Variants in CLCN3 observed in about 807,000 individuals in gnomAD.
CLCN3 encodes Cl-/H+ antiporter 3, also known as H(+)/Cl(-) exchange transporter 3.
CLCN3 carries 16 observed loss-of-function variants against 83.4 expected under a neutral mutation model. The ratio of observed to expected loss-of-function variants is 0.19; its 90% CI spans 0.13 to 0.29. The LOEUF is 0.29. Among genes scored for constraint, CLCN3 ranks in the 10% least tolerant of loss-of-function variants. The pLI is 1.00. For synonymous variants in CLCN3, 322 were observed against 346.2 expected (o/e 0.93, Z 0.78); for missense variants, 544 against 1,006.0 (o/e 0.54, Z 6.21).
rs139224127 is a variant in CLCN3, at chr4:169,651,833, T to A, written c.160+15745T>A. Among the ~76,000 whole-genome samples the A allele has an allele frequency of 7.9e-5, 12 of 152,272 alleles. No individual in the cohort carries two copies. The East Asian group carries it at 2.3e-3, about 29-fold the overall frequency. The stretch of plus-strand genomic sequence containing the variant: ...TCTATGGACCTATTTTACACAGTTC[T>A]GAAATACAGAGGAAATTCCTTGGAA... On this transcript the variant is annotated intron_variant, in intron 2 of 12. Transcript: ENST00000513761.
chr4:169,694,732 G>A (rs529959651), intron 7 of CLCN3, among the ~76,000 whole-genome samples: 7 of 152,204 alleles, frequency 4.6e-5, no homozygotes, highest in Non-Finnish European at 1.0e-4. Context: ...CCAGCTACTC[G>A]GGAGGCTGAG....
intron 2 of CLCN3, among the ~76,000 whole-genome samples, chr4:169,651,338 G>A (rs1730726742): frequency 6.6e-6 from 1 of 152,120 alleles, no homozygotes; most frequent in Admixed American, 6.6e-5. Flanking sequence ...AAATTTTCAA[G>A]CTTCATGTTT....
At chr4:169,653,640 CAAAAAAAAAAA>C (rs70964215) in intron 2 of CLCN3, among the ~76,000 whole-genome samples, 1 of 73,622 alleles carries the variant, frequency 1.4e-5, no homozygotes, top group African/African-American at 6.1e-5. Flanking sequence ...GACTCCGTCT[CAAAAAAAAAAA>C]AAAAAAAAAA....
At chr4:169,634,700 G>A (rs971534225) in intron 1 of CLCN3, among the ~76,000 whole-genome samples, 1 of 152,064 alleles carries the variant, frequency 6.6e-6, no homozygotes, top group Admixed American at 6.5e-5. Context: ...CTTGGAGAGA[G>A]GATTTTTTTT....
intron 1 of CLCN3, among the ~76,000 whole-genome samples, chr4:169,633,811 C>G (rs1461502176): frequency 6.6e-6 from 1 of 152,080 alleles, no homozygotes; most frequent in Non-Finnish European, 1.5e-5. Flanking sequence ...AATATTAAGT[C>G]TTAGAAATCT....
rs1733677230 is a variant in CLCN3, at chr4:169,722,643, T to TA, written c.*2646_*2647insA. 6.6e-6 allele frequency: 1 copy of TA among 152,222 alleles called. No individual in the cohort carries two copies. Among genetic ancestry groups the TA allele is most frequent in the Admixed American group, 6.5e-5 (1 of 15,282 alleles). 9.4% of individuals were successfully genotyped at this position (152,222 alleles called of 1,614,324 possible). A position where few individuals can be genotyped will look rare whatever the true frequency, so the allele number is the denominator to read the frequency against. ...TCCCTTTTTTATTTCTGCTCCTCCT[T>TA]TAATTGCCCATCTTGCTTCAGAGAC... is the stretch of plus-strand genomic sequence containing the variant. On this transcript the variant is annotated 3_prime_UTR_variant, in exon 13 of 13. Coordinates refer to ENST00000513761, the MANE Select transcript of CLCN3 (RefSeq NM_001829.4).
intron 2 of CLCN3, among the ~76,000 whole-genome samples, chr4:169,673,931 C>G (rs1275663944): frequency 6.6e-6 from 1 of 152,100 alleles, no homozygotes; most frequent in Non-Finnish European, 1.5e-5. Context: ...GCTTTTACTC[C>G]TAAATACTTC....
At position 169,720,655 on chromosome 4, in the gene CLCN3, A is replaced by C. The variant is rs1372940996; in HGVS notation, c.*658A>C. On this transcript the variant is annotated 3_prime_UTR_variant, in exon 13 of 13. Coordinates refer to ENST00000513761, the MANE Select transcript of CLCN3 (RefSeq NM_001829.4). The stretch of plus-strand genomic sequence containing the variant: ...ACTGTGATTTTACTGAGGTTTCATC[A>C]CAAGAAGGGAGTGTTTCTTGTGCCA... The C allele has an allele frequency of 6.6e-6, 1 of 152,448 alleles. No individual in the cohort carries two copies. The highest frequency in any genetic ancestry group is 1.5e-5 in the Non-Finnish European group (1 of 68,066). The allele number at this position is 152,448 out of a possible 1,614,324, so 9.4% of individuals were successfully genotyped here.
intron 2 of CLCN3, among the ~76,000 whole-genome samples, chr4:169,647,125 C>T (rs1206539878): frequency 2.6e-5 from 4 of 152,128 alleles, no homozygotes; most frequent in Non-Finnish European, 5.9e-5. Flanking sequence ...GTGGCTCATG[C>T]CTGTAATGCC....
intron 2 of CLCN3, among the ~76,000 whole-genome samples, chr4:169,662,433 C>G (rs1219190326): frequency 1.3e-5 from 2 of 152,034 alleles, no homozygotes; most frequent in African/African-American, 4.8e-5. Context: ...TATTTTTTGT[C>G]CATAATTTAT....
rs182426229 is a variant in CLCN3, at chr4:169,620,590, C to T, written c.-490C>T. 1.5e-5 allele frequency: 6 copies of T among 396,918 alleles called. No individual in the cohort carries two copies. Among genetic ancestry groups the T allele is most frequent in the Admixed American group, 4.4e-5 (1 of 22,700 alleles). The allele number at this position is 396,918 out of a possible 1,614,324, so 24.6% of individuals were successfully genotyped here. A position where few individuals can be genotyped will look rare whatever the true frequency, so the allele number is the denominator to read the frequency against. ...ACTCCTGCCGCTTCTCTTCCCCTTCCGTGGGTCAGGGCCGGTCCGGTCCGG... is the reference window on the plus strand; with the variant it reads ...ACTCCTGCCGCTTCTCTTCCCCTTCTGTGGGTCAGGGCCGGTCCGGTCCGG... On this transcript the variant is annotated 5_prime_UTR_variant, in exon 1 of 13. Coordinates refer to ENST00000513761, the MANE Select transcript of CLCN3 (RefSeq NM_001829.4).
rs75481886 is a variant in CLCN3, at chr4:169,689,746, G to T, written c.606+516G>T. 4.4e-4 allele frequency among the ~76,000 whole-genome samples: 67 copies of T among 152,296 alleles called. 1 individual carries two copies. The East Asian group carries it at 0.012, about 28-fold the overall frequency. On this transcript the variant is annotated intron_variant, in intron 5 of 12. Transcript: ENST00000513761. Reference sequence around the variant, plus strand: ...TGTATATTTTTTACATGATGACATGGATATATTTTTTAAATTTTGTTTTAG... The same window carrying T: ...TGTATATTTTTTACATGATGACATGTATATATTTTTTAAATTTTGTTTTAG...
chr4:169,719,346 A>G (rs1733546059), intron 12 of CLCN3, among the ~76,000 whole-genome samples: 1 of 152,150 alleles, frequency 6.6e-6, no homozygotes, highest in Admixed American at 6.5e-5. Flanking sequence ...AATCCCAGCT[A>G]CTTGGGAAGC....
At chr4:169,695,445 C>T (rs1055596248) in intron 7 of CLCN3, among the ~76,000 whole-genome samples, 167 bp from the exon 8 acceptor site, 1 of 152,010 alleles carries the variant, frequency 6.6e-6, no homozygotes, top group African/African-American at 2.4e-5. Flanking sequence ...GAGAAAGAAA[C>T]AAATCTTAAT....
chr4:169,655,511 C>G (rs1476691860), intron 2 of CLCN3, among the ~76,000 whole-genome samples: 1 of 152,076 alleles, frequency 6.6e-6, no homozygotes, highest in African/African-American at 2.4e-5. Context: ...GTTTTTGTTT[C>G]TAAGATGGGG....
chr4:169,675,537 ACTT>A (rs1381467195), intron 2 of CLCN3, among the ~76,000 whole-genome samples: 1 of 152,186 alleles, frequency 6.6e-6, no homozygotes, highest in East Asian at 1.9e-4. Context: ...ACAGAGTGCC[ACTT>A]CTTATATTCT....
intron 1 of CLCN3, among the ~76,000 whole-genome samples, chr4:169,633,823 G>A (rs1033370090): frequency 1.7e-4 from 26 of 152,096 alleles, no homozygotes; most frequent in African/African-American, 6.0e-4. Flanking sequence ...TAGAAATCTG[G>A]TAGGTATTTT....
At chr4:169,701,122 C>G (rs953584440) in intron 9 of CLCN3, among the ~76,000 whole-genome samples, 40 of 152,346 alleles carry the variant, frequency 2.6e-4, no homozygotes, top group African/African-American at 9.4e-4. Context: ...CCTCTCAAAC[C>G]CTGCTACTGC....
chr4:169,705,634 C>G (rs1336974573), intron 10 of CLCN3, among the ~76,000 whole-genome samples: 3 of 152,108 alleles, frequency 2.0e-5, no homozygotes, highest in Non-Finnish European at 4.4e-5. Context: ...TAGGACATGC[C>G]TGGTATAGGG....
Sources: gnomAD v4.1 joint callset for allele counts (sites outside exome capture counted in the v4.1 genomes callset) on GRCh38, gnomAD v4.1.1 for gene constraint, MANE v1.5 for transcripts, NCBI Gene and HGNC (gene_info 2026-07-23, HGNC 2026-07-21) for gene names.